PPP1R37: variants seen among roughly 807,000 people sequenced by gnomAD.
The protein encoded by PPP1R37 is leucine rich repeat containing 68.
Under a neutral mutation model 61.0 loss-of-function variants are expected in PPP1R37, and 21 were observed. The ratio of observed to expected loss-of-function variants is 0.34; its 90% CI spans 0.24 to 0.50. The LOEUF is 0.50. Among genes scored for constraint, PPP1R37 ranks in the 20% least tolerant of loss-of-function variants. PPP1R37 has a pLI of 0.98. For missense variants in PPP1R37, 910 were observed against 952.7 expected, an observed-to-expected ratio of 0.96 and a Z score of 0.59; for synonymous variants, 443 against 433.5, an observed-to-expected ratio of 1.02 and a Z score of -0.27.
chr19:45,144,981 A>C lies in PPP1R37; in HGVS notation c.1115A>C (p.Lys372Thr). The part of the protein sequence containing the change: ...SVLRLGLAST[K>T]LTCEGAVAVA... Reference sequence around the variant, plus strand: ...CTGCGCCTCGGGCTGGCCTCCACCAAGCTCACGTGCGAGGGTAGGGTACGG... The same window carrying C: ...CTGCGCCTCGGGCTGGCCTCCACCACGCTCACGTGCGAGGGTAGGGTACGG... Residue 372 changes from lysine to threonine, a missense_variant, in exon 9 of 13, where the codon AAG (lysine) becomes ACG (threonine). Physicochemically the swap from Lys to Thr is moderately conservative, Grantham distance 78. Around this residue, in one of 3 missense-constraint regions of PPP1R37, gnomAD observed 549 missense variants for 505.1 expected, o/e 1.09. Coordinates refer to ENST00000221462, the MANE Select transcript of PPP1R37 (RefSeq NM_019121.2). The C allele has an allele frequency of 1.3e-6, 2 of 1,534,740 alleles. No individual in the cohort carries two copies. The highest frequency in any genetic ancestry group is 1.7e-6 in the Non-Finnish European group (2 of 1,146,324).
chr19:45,120,280 G>A (rs1217215132), intron 1 of PPP1R37, among the ~76,000 whole-genome samples: 1 of 152,208 alleles, frequency 6.6e-6, no homozygotes, highest in African/African-American at 2.4e-5. Flanking sequence ...GCCTCCCAAA[G>A]TGCTGGGATT....
Position 45,127,987 on chromosome 19 carries a change from AAAAAAAG to A in PPP1R37, c.203-10525_203-10519del, listed in dbSNP as rs1968429389. The stretch of plus-strand genomic sequence containing the variant: ...GAGACTCCATCTCAAAAAAAAAAAA[AAAAAAAG>A]ATAAATGTTTGAGGTGATATGCTAA... On this transcript the variant is annotated intron_variant, in intron 1 of 12. Transcript: ENST00000221462. Among the ~76,000 whole-genome samples, 2 of 151,934 alleles carry A rather than the reference AAAAAAAG, an allele frequency of 1.3e-5. 1 individual carries two copies. The highest frequency in any genetic ancestry group is 2.9e-5 in the Non-Finnish European group (2 of 67,978).
At chr19:45,135,263 G>T (rs1258040567) in intron 1 of PPP1R37, among the ~76,000 whole-genome samples, 6 of 152,088 alleles carry the variant, frequency 3.9e-5, no homozygotes, top group Non-Finnish European at 7.4e-5. Flanking sequence ...AAAAGAAGAG[G>T]TGCCATCCCA....
intron 1 of PPP1R37, among the ~76,000 whole-genome samples, chr19:45,096,684 C>G (rs912849491): frequency 1.3e-5 from 2 of 152,024 alleles, no homozygotes; most frequent in African/African-American, 4.8e-5. Context: ...TTGGTCTGTC[C>G]TGGGTAAGGG....
chr19:45,136,791 C>T lies in PPP1R37; in HGVS notation c.203-1723C>T, dbSNP rs149397023. 4.1e-3 allele frequency: 625 copies of T among 152,440 alleles called. 2 individuals carry two copies. Among genetic ancestry groups the T allele is most frequent in the African/African-American group, 0.015 (603 of 41,566 alleles). The allele number at this position is 152,440 out of a possible 1,614,324, so 9.4% of individuals were successfully genotyped here. ...CCGCCACCCAGCACAGTGGCCAGAG[C>T]GGAGTCCCAGGGTCTGATGTTAGAC... is the stretch of plus-strand genomic sequence containing the variant. On this transcript the variant is annotated intron_variant, in intron 1 of 12. Coordinates refer to ENST00000221462, the MANE Select transcript of PPP1R37 (RefSeq NM_019121.2).
intron 1 of PPP1R37, among the ~76,000 whole-genome samples, chr19:45,129,718 C>T (rs940594580): frequency 1.9e-4 from 29 of 152,298 alleles, no homozygotes; most frequent in African/African-American, 7.0e-4. Context: ...ATACCCTAAG[C>T]ACGACCCCCA....
At chr19:45,094,267 A>T (rs1455520624) in intron 1 of PPP1R37, among the ~76,000 whole-genome samples, 2 of 152,068 alleles carry the variant, frequency 1.3e-5, no homozygotes, top group Admixed American at 1.3e-4. Context: ...TACAGGTGTG[A>T]GCCACCGCCG....
At position 45,093,536 on chromosome 19, in the gene PPP1R37, C is replaced by T; in HGVS notation, c.202+9C>T. The T allele has an allele frequency of 1.3e-6, 2 of 1,528,696 alleles. No individual in the cohort carries two copies. Among genetic ancestry groups the T allele is most frequent in the Non-Finnish European group, 1.8e-6 (2 of 1,141,746 alleles). 94.7% of individuals were successfully genotyped at this position (1,528,696 alleles called of 1,614,324 possible). On this transcript the variant is annotated intron_variant, in intron 1 of 12. Transcript: ENST00000221462. Reference sequence around the variant, plus strand: ...AGACCCCTGGAGACATGGTAGCTACCGCGGGTGAAGCGGGGGCGGGCTCGA... The same window carrying T: ...AGACCCCTGGAGACATGGTAGCTACTGCGGGTGAAGCGGGGGCGGGCTCGA...
chr19:45,142,409 C>G lies in PPP1R37; in HGVS notation c.825C>G (p.Asn275Lys). 1 of 1,536,170 alleles carries G rather than the reference C, an allele frequency of 6.5e-7. No homozygotes were observed. Among genetic ancestry groups the G allele is most frequent in the Non-Finnish European group, 8.7e-7 (1 of 1,146,928 alleles). The change falls in exon 7 of 13, where the codon AAC becomes AAG. Residue 275 changes from asparagine to lysine, a missense_variant. Asn to Lys is a moderately conservative substitution (Grantham distance 94, BLOSUM62 0). Transcript: ENST00000221462. ...SAQLGNLLKF[N>K]CSLQILDLRN... is the part of the protein sequence containing the mutation. Reference sequence around the variant, plus strand: ...AGCTGGGTAACCTGCTCAAGTTCAACTGCTCCCTGCAGATCCTGGACCTCC... The same window carrying G: ...AGCTGGGTAACCTGCTCAAGTTCAAGTGCTCCCTGCAGATCCTGGACCTCC...
At chr19:45,144,791 T>G in intron 8 of PPP1R37, 63 bp from the exon 9 acceptor site, 1 of 1,388,098 alleles carries the variant, frequency 7.2e-7, no homozygotes, top group Non-Finnish European at 9.6e-7. Context: ...TTTCCTGACT[T>G]GGCCTCCTGG....
chr19:45,127,984 A>T (rs933587642), intron 1 of PPP1R37, among the ~76,000 whole-genome samples: 39 of 152,028 alleles, frequency 2.6e-4, no homozygotes, highest in South Asian at 2.1e-4. Context: ...CAAAAAAAAA[A>T]AAAAAAAAAG....
At chr19:45,098,876 A>C (rs959519127) in intron 1 of PPP1R37, among the ~76,000 whole-genome samples, 8 of 151,854 alleles carry the variant, frequency 5.3e-5, no homozygotes, top group African/African-American at 1.9e-4. Flanking sequence ...ATCTGCTCAG[A>C]TTTCCGTCTG....
rs1013277655 is a variant in PPP1R37, at chr19:45,145,417, A to G, written c.1361A>G (p.Asn454Ser). 3 of 1,535,266 alleles carry G rather than the reference A, an allele frequency of 2.0e-6. No individual in the cohort carries two copies. The highest frequency in any genetic ancestry group is 2.6e-6 in the Non-Finnish European group (3 of 1,146,630). Residue 454 changes from asparagine (N) to serine (S), a missense_variant, in exon 11 of 13, where the codon AAC becomes AGC. Asn to Ser is a conservative substitution (Grantham distance 46). Transcript: ENST00000221462. ...LAEIQNGCKRNLVLAREREEK... is the reference protein window; with the variant it reads ...LAEIQNGCKRSLVLAREREEK... ...GAGATCCAGAACGGCTGCAAGCGCAACTTGGTGCTGGCGCGGGAGAGGGAG... is the reference window on the plus strand; with the variant it reads ...GAGATCCAGAACGGCTGCAAGCGCAGCTTGGTGCTGGCGCGGGAGAGGGAG...
chr19:45,112,043 A>C (rs187363259), intron 1 of PPP1R37, among the ~76,000 whole-genome samples: 1 of 151,238 alleles, frequency 6.6e-6, no homozygotes, highest in Admixed American at 6.6e-5. Flanking sequence ...ATCTTGGCTC[A>C]CTACAACCTC....
chr19:45,103,340 G>A (rs371262748), intron 1 of PPP1R37, among the ~76,000 whole-genome samples: 12 of 152,216 alleles, frequency 7.9e-5, no homozygotes, highest in South Asian at 2.1e-4. Flanking sequence ...AGCCTGGGTC[G>A]GGAGCCCTGC....
chr19:45,135,311 G>A (rs1245456219), intron 1 of PPP1R37, among the ~76,000 whole-genome samples: 1 of 152,202 alleles, frequency 6.6e-6, no homozygotes, highest in African/African-American at 2.4e-5. Context: ...AGGGGTTATG[G>A]TGGTATCCAC....
chr19:45,142,226 C>T lies in PPP1R37; in HGVS notation c.718+15C>T, dbSNP rs756805764. 127 of 1,532,964 alleles carry T rather than the reference C, an allele frequency of 8.3e-5. No homozygotes were observed. Among genetic ancestry groups the T allele is most frequent in the Non-Finnish European group, 9.9e-5 (113 of 1,144,920 alleles). 95.0% of individuals were successfully genotyped at this position (1,532,964 alleles called of 1,614,324 possible). A position where few individuals can be genotyped will look rare whatever the true frequency, so the allele number is the denominator to read the frequency against. ...CATGCTGCTCGGTGAGCCCCAAGCC[C>T]GGGAGGGTGAGCAGGATGTGCAGCC... On this transcript the variant is annotated intron_variant, in intron 6 of 12. Transcript: ENST00000221462.
At chr19:45,138,076 T>C (rs1332887217) in intron 1 of PPP1R37, among the ~76,000 whole-genome samples, 1 of 152,090 alleles carries the variant, frequency 6.6e-6, no homozygotes, top group Non-Finnish European at 1.5e-5. Context: ...TGAGCCATGT[T>C]CTCACCACTT....
intron 1 of PPP1R37, among the ~76,000 whole-genome samples, chr19:45,133,629 T>G (rs1161258588): frequency 6.6e-6 from 1 of 152,246 alleles, no homozygotes; most frequent in African/African-American, 2.4e-5. Flanking sequence ...CATGGCTGTT[T>G]GGCCTTGCCT....
Sources: allele counts gnomAD v4.1 joint callset (sites outside exome capture counted in the v4.1 genomes callset), GRCh38; gene constraint gnomAD v4.1.1; regional missense constraint gnomAD v4.1.1; transcripts MANE v1.5; gene names NCBI Gene and HGNC (gene_info 2026-07-23, HGNC 2026-07-21).